IGBP1: variants seen among roughly 807,000 people sequenced by gnomAD.
IGBP1 encodes immunoglobulin-binding protein 1.
In IGBP1, 2 loss-of-function variants were observed where a neutral mutation model predicts 25.9. The observed-to-expected ratio is 0.08, with a 90% CI of 0.03 to 0.24. The LOEUF (loss-of-function observed/expected upper bound fraction) is 0.24. Ranked by LOEUF, IGBP1 falls within the 10% of genes least tolerant of loss-of-function variation. The probability of loss-of-function intolerance (pLI) is 1.00; values close to 1 mark genes in which losing one functional copy is unlikely to be tolerated. For missense variants in IGBP1, 187 were observed against 260.4 expected, an observed-to-expected ratio of 0.72 and a Z score of 1.94; for synonymous variants, 96 against 93.4, an observed-to-expected ratio of 1.03 and a Z score of -0.16.
chrX:70,154,023 T>C (rs1269789314), intron 6 of IGBP1, among the ~76,000 whole-genome samples: 1 of 110,037 alleles, frequency 9.1e-6, no homozygotes, highest in Non-Finnish European at 1.9e-5. Context: ...CTGGGATTGT[T>C]GTGCACCATC....
intron 5 of IGBP1, among the ~76,000 whole-genome samples, chrX:70,149,902 TA>T (rs763951317): frequency 9.0e-5 from 10 of 111,538 alleles, no homozygotes; most frequent in Non-Finnish European, 1.9e-4. Flanking sequence ...TCACCAACTA[TA>T]AATACCCATT....
intron 6 of IGBP1, among the ~76,000 whole-genome samples, chrX:70,163,249 G>A (rs2085280460): frequency 9.2e-6 from 1 of 109,258 alleles, no homozygotes; most frequent in Non-Finnish European, 1.9e-5. Context: ...TGTAGACACA[G>A]GGTCTCGCCA....
In IGBP1 at chrX:70,150,243, T is replaced by G. The variant is rs1168090115; in HGVS notation, c.792T>G (p.Thr264=). Residue 264 remains threonine, a synonymous_variant, in exon 6 of 7, where the codon ACT becomes ACG. Coordinates refer to ENST00000356413, the MANE Select transcript of IGBP1 (RefSeq NM_001551.3). ...GAGCTGGTTATCCAAGTCTGCCAAC[T>G]ATGACGGTGAGTGACTGGTATGAGC... is the stretch of plus-strand genomic sequence containing the variant. The part of the protein sequence containing the change: ...VFGAGYPSLP[T]MTVSDWYEQH... 8.3e-7 allele frequency: 1 copy of G among 1,204,187 alleles called. No homozygotes were observed. Among genetic ancestry groups the G allele is most frequent in the Non-Finnish European group, 1.1e-6 (1 of 888,677 alleles).
intron 3 of IGBP1, among the ~76,000 whole-genome samples, chrX:70,136,371 AC>A (rs2085094763): frequency 8.9e-6 from 1 of 111,952 alleles, no homozygotes; most frequent in Non-Finnish European, 1.9e-5. Flanking sequence ...ATTTTGCCCA[AC>A]TGTAGGCTAA....
chrX:70,133,868 T>C lies in IGBP1; in HGVS notation c.-80T>C, dbSNP rs895771570. On this transcript the variant is annotated 5_prime_UTR_variant, in exon 2 of 7. Transcript: ENST00000356413. ...CAATGAGGTGCTTCTTCCGGTTTTG[T>C]CCGCGCTCGCCTAATTCTTCTTTAT... 2.1e-6 allele frequency: 2 copies of C among 934,647 alleles called. No individual in the cohort carries two copies. The highest frequency in any genetic ancestry group is 3.0e-6 in the Non-Finnish European group (2 of 662,570). 77.0% of individuals were successfully genotyped at this position (934,647 alleles called of 1,213,427 possible).
intron 2 of IGBP1, 151 bp downstream of exon 2, chrX:70,134,286 C>A: frequency 3.4e-6 from 2 of 583,020 alleles, no homozygotes. Context: ...GTTTACATTC[C>A]CCACCTCTCT....
chrX:70,146,719 G>A lies in IGBP1; in HGVS notation c.569G>A (p.Arg190His), dbSNP rs2085169019. 1 of 1,201,887 alleles carries A rather than the reference G, an allele frequency of 8.3e-7. No homozygotes were observed. Among genetic ancestry groups the A allele is most frequent in the Non-Finnish European group, 1.1e-6 (1 of 889,287 alleles). ...ESGQADDERV[R>H]EYYLLHLQRW... ...GGTCAAGCAGATGATGAGCGTGTTC[G>A]TGAATATTATCTTCTTCACCTTCAG... Residue 190 changes from arginine to histidine, a missense_variant, in exon 4 of 7, where the codon CGT becomes CAT. By Grantham distance (29) the Arg-to-His change is conservative. Transcript: ENST00000356413.
chrX:70,149,231 A>G (rs1318177237), intron 5 of IGBP1, among the ~76,000 whole-genome samples: 2 of 108,309 alleles, frequency 1.8e-5, no homozygotes, highest in Non-Finnish European at 3.9e-5. Flanking sequence ...TCCGTCTCAA[A>G]AAAAAAAAAA....
At chrX:70,159,010 CA>C (rs887994737) in intron 6 of IGBP1, among the ~76,000 whole-genome samples, 101 of 110,966 alleles carry the variant, frequency 9.1e-4, no homozygotes, top group Non-Finnish European at 1.6e-3. Context: ...AAGACACGCT[CA>C]AAAAAACAGA....
At chrX:70,142,327 G>A (rs1204716700) in intron 3 of IGBP1, among the ~76,000 whole-genome samples, 1 of 110,706 alleles carries the variant, frequency 9.0e-6, no homozygotes, top group East Asian at 2.8e-4. Flanking sequence ...TAGAGACCCT[G>A]TCTCAAAAAT....
At chrX:70,159,737 T>C (rs2085261142) in intron 6 of IGBP1, among the ~76,000 whole-genome samples, 1 of 110,739 alleles carries the variant, frequency 9.0e-6, no homozygotes, top group Non-Finnish European at 1.9e-5. Flanking sequence ...TTCCAGACGC[T>C]CAGACCCCAG....
chrX:70,156,287 T>TAAA (rs202174045), intron 6 of IGBP1, among the ~76,000 whole-genome samples: 2 of 74,275 alleles, frequency 2.7e-5, no homozygotes, highest in African/African-American at 9.2e-5. Flanking sequence ...TTCAATTTGT[T>TAAA]AAAAAAAAAA....
chrX:70,151,970 C>T (rs919645466), intron 6 of IGBP1, among the ~76,000 whole-genome samples: 2 of 111,599 alleles, frequency 1.8e-5, no homozygotes, highest in African/African-American at 6.5e-5. Context: ...TTCCCAGGTT[C>T]AGTTCTGTTT....
intron 6 of IGBP1, among the ~76,000 whole-genome samples, chrX:70,159,729 C>T (rs1416594625): frequency 9.0e-6 from 1 of 110,948 alleles, no homozygotes; most frequent in Non-Finnish European, 1.9e-5. Context: ...GAGGGGTGTT[C>T]CAGACGCTCA....
chrX:70,148,889 C>A, intron 5 of IGBP1, 49 bp downstream of exon 5: 1 of 863,016 alleles, frequency 1.2e-6, no homozygotes, highest in Non-Finnish European at 1.7e-6. Context: ...TTTTATGGTT[C>A]AATGTGGCAA....
chrX:70,145,969 C>T (rs1262980394), intron 3 of IGBP1, among the ~76,000 whole-genome samples: 1 of 111,935 alleles, frequency 8.9e-6, no homozygotes, highest in Non-Finnish European at 1.9e-5. Flanking sequence ...GGAATGAATG[C>T]TTCATGAGAC....
In IGBP1 at chrX:70,165,526, G is replaced by T. The variant is rs750521060; in HGVS notation, c.872-307G>T. Among the ~76,000 whole-genome samples, 4 of 110,635 alleles carry T rather than the reference G, an allele frequency of 3.6e-5. No individual in the cohort carries two copies. In the East Asian group the frequency reaches 8.5e-4, roughly 24 times the overall value. ...TAATGTTTTTGTTTAGGGGCTTGGG[G>T]GGGGTGGGTGTTGGCCATTTTTGCA... On this transcript the variant is annotated intron_variant, in intron 6 of 6. Coordinates refer to ENST00000356413, the MANE Select transcript of IGBP1 (RefSeq NM_001551.3).
chrX:70,144,985 C>T (rs765321083), intron 3 of IGBP1, among the ~76,000 whole-genome samples: 15 of 108,004 alleles, frequency 1.4e-4, no homozygotes, highest in Non-Finnish European at 2.5e-4. Context: ...GGGTCATGGA[C>T]CCCTTGCCCC....
At chrX:70,155,808 A>G (rs2085236793) in intron 6 of IGBP1, among the ~76,000 whole-genome samples, 1 of 112,319 alleles carries the variant, frequency 8.9e-6, no homozygotes, top group Admixed American at 9.5e-5. Flanking sequence ...GTAGATTTCA[A>G]GACAAAAAGG....
Sources: allele counts gnomAD v4.1 joint callset (sites outside exome capture counted in the v4.1 genomes callset), GRCh38; gene constraint gnomAD v4.1.1; transcripts MANE v1.5; gene names NCBI Gene and HGNC (gene_info 2026-07-23, HGNC 2026-07-21).